Variants in SDK1 observed in about 807,000 individuals in gnomAD.
SDK1 encodes protein sidekick-1.
SDK1 carries 157 observed loss-of-function variants against 245.5 expected under a neutral mutation model. That is an observed-to-expected ratio of 0.64 (90% CI 0.56 to 0.73). The LOEUF is 0.73. Ranked by LOEUF, SDK1 falls within the 30% of genes least tolerant of loss-of-function variation. SDK1 has a pLI of 0.00. For synonymous variants in SDK1, 1,647 were observed against 1,278.5 expected, an observed-to-expected ratio of 1.29 and a Z score of -6.15; for missense variants, 3,583 against 3,002.3, an observed-to-expected ratio of 1.19 and a Z score of -4.52.
intron 28 of SDK1, among the ~76,000 whole-genome samples, chr7:4,139,689 G>GTA (rs1779422303): frequency 1.0e-4 from 10 of 96,834 alleles, no homozygotes; most frequent in African/African-American, 5.9e-4. Context: ...GTGTGTGTGT[G>GTA]TATGTGTGTG....
intron 30 of SDK1, 103 bp downstream of exon 30, chr7:4,149,566 A>G: frequency 1.4e-6 from 1 of 711,536 alleles, no homozygotes; most frequent in African/African-American, 1.9e-5. Context: ...AAGCAGGTGC[A>G]CCCCTGAGAG....
At chr7:3,503,652 G>C (rs1782290184) in intron 1 of SDK1, among the ~76,000 whole-genome samples, 2 of 152,058 alleles carry the variant, frequency 1.3e-5, no homozygotes, top group Non-Finnish European at 2.9e-5. Flanking sequence ...ACTCCAGCCT[G>C]GGTGATAGAG....
chr7:3,534,385 C>T (rs566329024), intron 1 of SDK1, among the ~76,000 whole-genome samples: 1 of 152,120 alleles, frequency 6.6e-6, no homozygotes, highest in East Asian at 1.9e-4. Flanking sequence ...TTCTCAGTTC[C>T]TTTGGGTACA....
chr7:3,562,440 C>CTATTGAG (rs1220737960), intron 1 of SDK1, among the ~76,000 whole-genome samples: 1 of 152,124 alleles, frequency 6.6e-6, no homozygotes, highest in Non-Finnish European at 1.5e-5. Flanking sequence ...ACCATGTTAG[C>CTATTGAG]TATTGAGAAA....
chr7:3,419,830 G>T (rs1309043486), intron 1 of SDK1, among the ~76,000 whole-genome samples: 1 of 152,156 alleles, frequency 6.6e-6, no homozygotes, highest in Non-Finnish European at 1.5e-5. Context: ...ACAAAACTAA[G>T]CTTAGTATGG....
At chr7:3,376,535 G>T (rs114246740) in intron 1 of SDK1, among the ~76,000 whole-genome samples, 1,538 of 152,226 alleles carry the variant, frequency 0.01, 28 homozygotes, top group African/African-American at 0.035. Context: ...TATTAGCCAA[G>T]AAATATAATT....
At chr7:3,972,332 G>C (rs1427619198) in intron 12 of SDK1, among the ~76,000 whole-genome samples, 2 of 152,092 alleles carry the variant, frequency 1.3e-5, no homozygotes, top group Non-Finnish European at 2.9e-5. Context: ...ACCTGTCTCG[G>C]CCTCCCAAAG....
chr7:3,538,496 C>G (rs1013254729), intron 1 of SDK1, among the ~76,000 whole-genome samples: 1 of 152,292 alleles, frequency 6.6e-6, no homozygotes, highest in African/African-American at 2.4e-5. Context: ...AATGTCATTT[C>G]GACTCCAACA....
chr7:4,227,111 C>G (rs1398949595), intron 40 of SDK1: 1 of 274,560 alleles, frequency 3.6e-6, no homozygotes, highest in Admixed American at 5.0e-5. Flanking sequence ...CAATTTCAGT[C>G]TTTGGCAACG....
At position 3,861,334 on chromosome 7, in the gene SDK1, T is replaced by G. The variant is rs111534916; in HGVS notation, c.847+39751T>G. Reference sequence around the variant, plus strand: ...TATTTAAGTCATCTATGTATTTGTTTAAGCAAAATTCGCTTGTAGTTCCAT... The same window carrying G: ...TATTTAAGTCATCTATGTATTTGTTGAAGCAAAATTCGCTTGTAGTTCCAT... On this transcript the variant is annotated intron_variant, in intron 5 of 44. Transcript: ENST00000404826. Among the ~76,000 whole-genome samples, 32 of 152,372 alleles carry G rather than the reference T, an allele frequency of 2.1e-4. 1 individual carries two copies. The highest frequency in any genetic ancestry group is 8.3e-4 in the South Asian group (4 of 4,830).
intron 4 of SDK1, among the ~76,000 whole-genome samples, chr7:3,754,576 C>T (rs1470300532): frequency 6.6e-6 from 1 of 151,976 alleles, no homozygotes; most frequent in Non-Finnish European, 1.5e-5. Context: ...CTGTTCCCTG[C>T]ATTCTCCAGT....
chr7:3,924,506 A>G (rs981036090), intron 5 of SDK1, among the ~76,000 whole-genome samples: 1 of 152,312 alleles, frequency 6.6e-6, no homozygotes, highest in Non-Finnish European at 1.5e-5. Context: ...TCACATGCAC[A>G]TTCACTGTCA....
chr7:4,085,150 A>G (rs1174763037), intron 22 of SDK1, among the ~76,000 whole-genome samples: 1 of 152,070 alleles, frequency 6.6e-6, no homozygotes, highest in Non-Finnish European at 1.5e-5. Flanking sequence ...TTATCCTCCT[A>G]TTGTATTAAG....
intron 1 of SDK1, among the ~76,000 whole-genome samples, chr7:3,390,581 G>A (rs372549665): frequency 1.6e-4 from 25 of 152,264 alleles, no homozygotes; most frequent in Middle Eastern, 3.4e-3. Context: ...GGATTAGACC[G>A]GACTATAATC....
At chr7:3,490,113 A>G (rs1230022503) in intron 1 of SDK1, among the ~76,000 whole-genome samples, 1 of 152,226 alleles carries the variant, frequency 6.6e-6, no homozygotes, top group Non-Finnish European at 1.5e-5. Context: ...AATTAAGTGA[A>G]AAGAAATCTG....
chr7:4,116,969 A>G (rs908444688), intron 25 of SDK1, among the ~76,000 whole-genome samples: 2 of 152,204 alleles, frequency 1.3e-5, no homozygotes, highest in African/African-American at 2.4e-5. Context: ...ACGCACCCAC[A>G]TGCAGCCTGG....
chr7:3,858,301 C>T (rs201045379), intron 5 of SDK1, among the ~76,000 whole-genome samples: 1 of 152,044 alleles, frequency 6.6e-6, no homozygotes, highest in South Asian at 2.1e-4. Context: ...CCTGTAATCC[C>T]AGCTACTCAG....
intron 4 of SDK1, among the ~76,000 whole-genome samples, chr7:3,810,879 T>G (rs143173747): frequency 0.019 from 2,836 of 152,326 alleles, 91 homozygotes; most frequent in African/African-American, 0.059. Flanking sequence ...TGCTAAATTA[T>G]TACATGTACG....
chr7:3,540,777 A>AT (rs1439361809), intron 1 of SDK1, among the ~76,000 whole-genome samples: 2 of 152,240 alleles, frequency 1.3e-5, no homozygotes, highest in African/African-American at 4.8e-5. Context: ...CCAAGATCAT[A>AT]TAAATTTTTA....
Sources: allele counts gnomAD v4.1 joint callset (sites outside exome capture counted in the v4.1 genomes callset), GRCh38; gene constraint gnomAD v4.1.1; transcripts MANE v1.5; gene names NCBI Gene and HGNC (gene_info 2026-07-23, HGNC 2026-07-21).